Variants in MRPL46 observed in about 807,000 individuals in gnomAD.
MRPL46 encodes large ribosomal subunit protein mL46.
MRPL46 carries 26 observed loss-of-function variants against 31.0 expected under a neutral mutation model. That is an observed-to-expected ratio of 0.84 (90% confidence interval 0.61 to 1.16). The LOEUF (loss-of-function observed/expected upper bound fraction) is 1.16. Among genes scored for constraint, MRPL46 ranks in the 50% most tolerant of loss-of-function variants. MRPL46 has a pLI of 0.00. For missense variants in MRPL46, 395 were observed against 340.0 expected, an observed-to-expected ratio of 1.16 and a Z score of -1.27; for synonymous variants, 159 against 141.3, an observed-to-expected ratio of 1.13 and a Z score of -0.89.
Position 88,459,633 on chromosome 15 carries a change from T to A in MRPL46, c.820A>T (p.Arg274Trp), listed in dbSNP as rs1199075069. 11 of 1,613,986 alleles carry A rather than the reference T, an allele frequency of 6.8e-6. No homozygotes were observed. The highest frequency in any genetic ancestry group is 8.5e-6 in the Non-Finnish European group (10 of 1,180,036). ...LKPKYLAQVR[R>W]FVSDL is the part of the protein sequence containing the mutation. ...GCCCATCAGAGGTCTGAAACAAACC[T>A]CCTAACTTGGGCCAGGTATTTTGGT... Residue 274 changes from arginine to tryptophan, a missense_variant, in exon 4 of 4, where the codon AGG (arginine) becomes TGG (tryptophan). Arg to Trp is a moderately radical substitution (Grantham distance 101, BLOSUM62 -3). Coordinates refer to ENST00000312475, the MANE Select transcript of MRPL46 (RefSeq NM_022163.4).
intron 2 of MRPL46, chr15:88,465,318 GCCCCACTCTC>G (rs2055513737): frequency 9.2e-6 from 4 of 432,550 alleles, no homozygotes; most frequent in Non-Finnish European, 1.6e-5. Context: ...GGCTTCATTT[GCCCCACTCTC>G]AGTCTCAAAC....
In MRPL46 at chr15:88,467,368, G is replaced by A; in HGVS notation, c.10C>T (p.Pro4Ser). MAA[P>S]VRRTLLGVAG... ...ACCCCTAACAGCGTCCGCCTTACGG[G>A]CGCCGCCATCTTTCGTTCTCCCACA... Residue 4 changes from proline (P) to serine (S), a missense_variant, in exon 1 of 4, where the codon CCC becomes TCC. Physicochemically the swap from Pro to Ser is moderately conservative, Grantham distance 74. Transcript: ENST00000312475. 1 of 1,575,470 alleles carries A rather than the reference G, an allele frequency of 6.3e-7. No individual in the cohort carries two copies. The highest frequency in any genetic ancestry group is 1.1e-5 in the South Asian group (1 of 87,176).
chr15:88,461,269 C>T (rs2055474885), intron 3 of MRPL46: 1 of 152,026 alleles, frequency 6.6e-6, no homozygotes, highest in African/African-American at 2.4e-5. Context: ...AAAGGAATAT[C>T]TTAAGGTATA....
intron 3 of MRPL46, 30 bp downstream of exon 3, chr15:88,464,673 G>A (rs1329387957): frequency 1.5e-6 from 2 of 1,374,204 alleles, no homozygotes; most frequent in Non-Finnish European, 1.9e-6. Context: ...AGTGAATTTT[G>A]TGGAATTTAG....
In MRPL46 at chr15:88,465,391, T is replaced by C. The variant is rs868638697; in HGVS notation, c.415+196A>G. ...AAAGTTTAACTGAGAGAAAAGGCTATTCCAATACCCTTACCTCTCACCCGA... is the reference window on the plus strand; with the variant it reads ...AAAGTTTAACTGAGAGAAAAGGCTACTCCAATACCCTTACCTCTCACCCGA... On this transcript the variant is annotated intron_variant, in intron 2 of 3. Transcript: ENST00000312475. 1.5e-5 allele frequency: 8 copies of C among 522,626 alleles called. 1 individual carries two copies. In the Middle Eastern group the frequency reaches 3.4e-3, roughly 225 times the overall value. 32.4% of individuals were successfully genotyped at this position (522,626 alleles called of 1,614,324 possible). A position where few individuals can be genotyped will look rare whatever the true frequency, so the allele number is the denominator to read the frequency against.
rs774704451 is a variant in MRPL46, at chr15:88,459,750, TGAA to T, written c.700_702del (p.Phe234del). 14 of 1,614,084 alleles carry T rather than the reference TGAA, an allele frequency of 8.7e-6. No homozygotes were observed. Among genetic ancestry groups the T allele is most frequent in the African/African-American group, 4.0e-5 (3 of 74,928 alleles). ...AAGTCTCCAGTTAATAGCAGTGCTT[TGAA>T]GAAGAACACCTTGGCTCCGAGGTTA... On this transcript the variant is annotated inframe_deletion, in exon 4 of 4. Transcript: ENST00000312475.
rs557364132 is a variant in MRPL46, at chr15:88,463,726, G to A, written c.589+977C>T. On this transcript the variant is annotated intron_variant, in intron 3 of 3. Transcript: ENST00000312475. The surrounding 1 kb of genome is among the most constrained non-coding windows in gnomAD (Gnocchi z 5.4). ...AGGGACCAGCAGGCCCCAAAGCAGAGACACATGAAAGACCATACTATTCAA... is the reference window on the plus strand; with the variant it reads ...AGGGACCAGCAGGCCCCAAAGCAGAAACACATGAAAGACCATACTATTCAA... 6.6e-6 allele frequency: 1 copy of A among 152,278 alleles called. No individual in the cohort carries two copies. Among genetic ancestry groups the A allele is most frequent in the South Asian group, 2.1e-4 (1 of 4,826 alleles). 9.4% of individuals were successfully genotyped at this position (152,278 alleles called of 1,614,324 possible).
chr15:88,461,201 AC>A (rs2055474342), intron 3 of MRPL46: 1 of 152,250 alleles, frequency 6.6e-6, no homozygotes, highest in East Asian at 1.9e-4. Flanking sequence ...AAAATGAAGC[AC>A]AAAAAAAGTC....
At chr15:88,464,935 C>A (rs2055510041) in intron 2 of MRPL46, 59 bp from the exon 3 acceptor site, 3 of 1,548,754 alleles carry the variant, frequency 1.9e-6, no homozygotes, top group Non-Finnish European at 2.6e-6. Flanking sequence ...ACCAAGAAAC[C>A]TGGAGTTTTA....
At chr15:88,460,053 T>C (rs1025002779) in intron 3 of MRPL46, 190 bp from the exon 4 acceptor site, 4 of 664,818 alleles carry the variant, frequency 6.0e-6, no homozygotes, top group Admixed American at 3.0e-5. Flanking sequence ...TCCTGGCCCA[T>C]GGAGTCCAGA....
rs773958589 is a variant in MRPL46 at position 88,465,662 on chromosome 15, T to C, written c.340A>G (p.Ile114Val). 2 of 1,613,666 alleles carry C rather than the reference T, an allele frequency of 1.2e-6. No individual in the cohort carries two copies. The highest frequency in any genetic ancestry group is 1.7e-6 in the Non-Finnish European group (2 of 1,179,932). The change falls in exon 2 of 4, where the codon ATA becomes GTA. Residue 114 changes from isoleucine (I) to valine (V), a missense_variant. Ile to Val is a conservative substitution (Grantham distance 29). Transcript: ENST00000312475. ...DLHDEEDEQD[I>V]LLAQDLEDMW... Reference sequence around the variant, plus strand: ...TCTTCCAAATCTTGCGCCAGCAATATATCCTGTTCATCTTCTTCATCATGA... The same window carrying C: ...TCTTCCAAATCTTGCGCCAGCAATACATCCTGTTCATCTTCTTCATCATGA...
rs1567041250 is a variant in MRPL46 at position 88,467,154 on chromosome 15, T to G, written c.224A>C (p.Gln75Pro). ...AACCCTGCATCTCAGTCCCACCTGC[T>G]GCAGTAGAGACGCCATCTCTTCCTG... ...PLQEEMASLL[Q>P]QIEIERSLYS... Residue 75 changes from glutamine (Q) to proline (P), a missense_variant, in exon 1 of 4, where the codon CAG becomes CCG. By Grantham distance (76) the Gln-to-Pro change is moderately conservative. Transcript: ENST00000312475. 6.2e-7 allele frequency: 1 copy of G among 1,613,814 alleles called. No individual in the cohort carries two copies. Among genetic ancestry groups the G allele is most frequent in the Admixed American group, 1.7e-5 (1 of 60,030 alleles).
chr15:88,465,052 A>G (rs1430087763), intron 2 of MRPL46, 176 bp from the exon 3 acceptor site: 2 of 567,344 alleles, frequency 3.5e-6, no homozygotes, highest in Non-Finnish European at 5.7e-6. Flanking sequence ...GAGTCTCACA[A>G]TCTTGAGGAA....
chr15:88,465,024 C>T (rs1425432222), intron 2 of MRPL46, 148 bp from the exon 3 acceptor site: 5 of 755,596 alleles, frequency 6.6e-6, no homozygotes, highest in Non-Finnish European at 1.0e-5. Flanking sequence ...CTCTCTAACT[C>T]TGACCTCTTC....
chr15:88,460,308 T>C (rs2055467554), intron 3 of MRPL46: 1 of 171,280 alleles, frequency 5.8e-6, no homozygotes. Flanking sequence ...ATCAGCCCAG[T>C]CGCTATCTGC....
intron 2 of MRPL46, 70 bp from the exon 3 acceptor site, chr15:88,464,946 C>T (rs2055510166): frequency 9.9e-6 from 15 of 1,522,712 alleles, no homozygotes; most frequent in Non-Finnish European, 6.2e-6. Context: ...TGGAGTTTTA[C>T]AATCTTCCTT....
chr15:88,465,490 A>C lies in MRPL46; in HGVS notation c.415+97T>G, dbSNP rs1259854579. On this transcript the variant is annotated intron_variant, in intron 2 of 3. Transcript: ENST00000312475. ...AGAAAAGAATATGAAATTATTTGTT[A>C]CTTAAAACACAAAGCAGGGGCCAAG... The C allele has an allele frequency of 5.7e-6, 7 of 1,225,980 alleles. No homozygotes were observed. The East Asian group carries it at 1.5e-4, about 26-fold the overall frequency. The allele number at this position is 1,225,980 out of a possible 1,614,324, so 75.9% of individuals were successfully genotyped here.
At chr15:88,461,416 A>C (rs964243636) in intron 3 of MRPL46, 5 of 152,176 alleles carry the variant, frequency 3.3e-5, no homozygotes, top group African/African-American at 4.8e-5. Context: ...AGGAAAAAAA[A>C]CAACAAATTA....
intron 3 of MRPL46, chr15:88,460,424 A>C (rs1017412320): frequency 1.3e-5 from 2 of 154,580 alleles, no homozygotes; most frequent in Admixed American, 1.3e-4. Flanking sequence ...ACTCCTACCT[A>C]GTGAAAAAAG....
Sources: gnomAD v4.1 joint callset for allele counts on GRCh38, gnomAD v4.1.1 for gene constraint, Gnocchi (gnomAD v3.1) non-coding constraint, MANE v1.5 for transcripts, NCBI Gene and HGNC (gene_info 2026-07-23, HGNC 2026-07-21) for gene names.